The following TMEM131 variants were observed in gnomAD, a reference collection of about 807,000 sequenced individuals.
TMEM131 encodes transmembrane protein 131, also known as 2610524E03Rik.
In TMEM131, 66 loss-of-function variants were observed where a neutral mutation model predicts 211.6. The observed-to-expected ratio is 0.31, with a 90% CI of 0.26 to 0.38. The LOEUF (loss-of-function observed/expected upper bound fraction) is 0.38. Ranked by LOEUF, TMEM131 falls within the 10% of genes least tolerant of loss-of-function variation. The pLI, the probability that TMEM131 is intolerant of heterozygous loss-of-function variation, is 1.00. For missense variants in TMEM131, 2,036 were observed against 2,299.3 expected, an observed-to-expected ratio of 0.89 and a Z score of 2.34; for synonymous variants, 844 against 841.3, an observed-to-expected ratio of 1.00 and a Z score of -0.06.
chr2:97,926,809 C>T (rs930790125), intron 2 of TMEM131, among the ~76,000 whole-genome samples: 77 of 152,188 alleles, frequency 5.1e-4, no homozygotes, highest in African/African-American at 1.8e-3. Flanking sequence ...GATTATCAAC[C>T]TGCAACCTAG....
chr2:97,792,434 G>A lies in TMEM131; in HGVS notation c.4096C>T (p.Leu1366=), dbSNP rs759797972. 1.2e-6 allele frequency: 2 copies of A among 1,611,906 alleles called. No homozygotes were observed. The highest frequency in any genetic ancestry group is 1.3e-5 in the African/African-American group (1 of 74,842). The change falls in exon 31 of 41, where the codon CTA becomes TTA. Residue 1366 remains leucine (L), a synonymous_variant. Transcript: ENST00000186436. ...GGAGGCTGCTCTGTAAACACTTCTA[G>A]GGCTGGGGAGTCATGGTGGTCGAAG... ...KDFDHHDSPA[L]EVFTEQPPSP...
chr2:97,757,368 T>C lies in TMEM131; in HGVS notation c.5383A>G (p.Thr1795Ala), dbSNP rs771940113. The stretch of plus-strand genomic sequence containing the variant: ...GGAGTGGTGGACCACAGGCCGCTGG[T>C]GTTACCGAGGACCGACTGCGACAAA... ...THTATSVLGNTSGLWSTTPFS... is the reference protein window; with the variant it reads ...THTATSVLGNASGLWSTTPFS... Residue 1795 changes from threonine to alanine, a missense_variant, in exon 41 of 41, where the codon ACC becomes GCC. Thr to Ala is a moderately conservative substitution (Grantham distance 58, BLOSUM62 0). Coordinates refer to ENST00000186436, the MANE Select transcript of TMEM131 (RefSeq NM_015348.2). The C allele has an allele frequency of 3.7e-6, 6 of 1,605,072 alleles. No homozygotes were observed. The highest frequency in any genetic ancestry group is 5.1e-6 in the Non-Finnish European group (6 of 1,174,082).
rs560579993 is a variant in TMEM131, at chr2:97,990,799, T to C, written c.187+4677A>G. Reference sequence around the variant, plus strand: ...AGGTATAAAAAGTCCTATGCACTTTTTTCATATGCTTTGTAAATAGTTTTG... The same window carrying C: ...AGGTATAAAAAGTCCTATGCACTTTCTTCATATGCTTTGTAAATAGTTTTG... On this transcript the variant is annotated intron_variant, in intron 1 of 40. Transcript: ENST00000186436. Among the ~76,000 whole-genome samples the C allele has an allele frequency of 2.0e-4, 31 of 152,340 alleles. 2 individuals are homozygous for C. Among genetic ancestry groups the C allele is most frequent in the Admixed American group, 1.6e-3 (24 of 15,308 alleles).
At chr2:97,957,533 C>G (rs1265572172) in intron 1 of TMEM131, among the ~76,000 whole-genome samples, 1 of 151,912 alleles carries the variant, frequency 6.6e-6, no homozygotes, top group Admixed American at 6.6e-5. Context: ...ACAGAAAGTA[C>G]CAGCTAACTC....
intron 1 of TMEM131, among the ~76,000 whole-genome samples, chr2:97,980,888 G>C (rs1679757937): frequency 6.6e-6 from 1 of 151,740 alleles, no homozygotes; most frequent in African/African-American, 2.4e-5. Flanking sequence ...ACACATAACA[G>C]ATCAGTGGTT....
At chr2:97,963,850 TAA>T (rs1274476897) in intron 1 of TMEM131, among the ~76,000 whole-genome samples, 7 of 152,264 alleles carry the variant, frequency 4.6e-5, no homozygotes, top group African/African-American at 1.4e-4. Flanking sequence ...CACATATTTT[TAA>T]AAGTTTTTCT....
At position 97,792,480 on chromosome 2, in the gene TMEM131, G is replaced by A. The variant is rs535776763; in HGVS notation, c.4050C>T (p.Leu1350=). The A allele has an allele frequency of 3.1e-6, 5 of 1,613,782 alleles. No individual in the cohort carries two copies. Among genetic ancestry groups the A allele is most frequent in the East Asian group, 2.2e-5 (1 of 44,866 alleles). The part of the protein sequence containing the change: ...HSSEDSDITS[L]IEAMDKDFDH... ...CGAAGTCTTTGTCCATGGCTTCTAT[G>A]AGACTGGTGATGTCCGAGTCCTCGG... Residue 1350 remains leucine (L), a synonymous_variant, in exon 31 of 41, where the codon CTC becomes CTT. Coordinates refer to ENST00000186436, the MANE Select transcript of TMEM131 (RefSeq NM_015348.2).
intron 32 of TMEM131, among the ~76,000 whole-genome samples, chr2:97,774,307 C>T (rs1679609293): frequency 6.6e-6 from 1 of 152,236 alleles, no homozygotes; most frequent in African/African-American, 2.4e-5. Flanking sequence ...CACGTGGGTG[C>T]TCAATTCCTA....
chr2:97,759,891 C>G (rs544135746), intron 38 of TMEM131, 142 bp from the exon 39 acceptor site: 11 of 661,696 alleles, frequency 1.7e-5, no homozygotes, highest in Non-Finnish European at 2.7e-5. Context: ...AAAGGAAGAG[C>G]TGAACAATGG....
chr2:97,940,822 A>G (rs1488725145), intron 1 of TMEM131, among the ~76,000 whole-genome samples: 1 of 151,832 alleles, frequency 6.6e-6, no homozygotes, highest in African/African-American at 2.4e-5. Context: ...AAAAAAAAAA[A>G]AAGACAAAAA....
chr2:97,939,619 C>T (rs1328503527), intron 1 of TMEM131, among the ~76,000 whole-genome samples: 2 of 152,218 alleles, frequency 1.3e-5, no homozygotes, highest in Non-Finnish European at 2.9e-5. Flanking sequence ...GGTACCATTC[C>T]TTCTGAAACT....
intron 31 of TMEM131, among the ~76,000 whole-genome samples, chr2:97,791,679 A>G (rs1680504060): frequency 6.6e-6 from 1 of 152,176 alleles, no homozygotes. Flanking sequence ...GCTAAGCTGT[A>G]CTCATGTCCC....
At position 97,792,567 on chromosome 2, in the gene TMEM131, C is replaced by T. The variant is rs775621085; in HGVS notation, c.3963G>A (p.Leu1321=). 1.2e-6 allele frequency: 2 copies of T among 1,613,304 alleles called. No homozygotes were observed. Among genetic ancestry groups the T allele is most frequent in the Non-Finnish European group, 1.7e-6 (2 of 1,179,654 alleles). ...AAGGGTGTGCGAGGGGGGCGGGAGA[C>T]AGCCTTTCAGGCTGCGGCTCCTGGG... ...PQPQEPQPER[L]SPAPLAHPSH... Residue 1321 remains leucine (L), a synonymous_variant, in exon 31 of 41, where the codon CTG becomes CTA. Coordinates refer to ENST00000186436, the MANE Select transcript of TMEM131 (RefSeq NM_015348.2).
intron 2 of TMEM131, among the ~76,000 whole-genome samples, chr2:97,915,632 T>TA (rs1328342073): frequency 6.6e-6 from 1 of 152,150 alleles, no homozygotes; most frequent in Non-Finnish European, 1.5e-5. Context: ...AGGCATGAGG[T>TA]ACTGCGTCTG....
intron 31 of TMEM131, among the ~76,000 whole-genome samples, chr2:97,785,559 T>C (rs1446018116): frequency 1.3e-5 from 2 of 152,228 alleles, no homozygotes; most frequent in Admixed American, 1.3e-4. Context: ...ACTCCTACGT[T>C]GCTGGTGGGA....
chr2:97,895,282 T>C (rs1049019166), intron 3 of TMEM131, among the ~76,000 whole-genome samples: 5 of 152,340 alleles, frequency 3.3e-5, no homozygotes, highest in African/African-American at 9.6e-5. Context: ...CCAGATTTTA[T>C]TGAGGCTTCT....
intron 1 of TMEM131, among the ~76,000 whole-genome samples, chr2:97,946,912 C>G (rs888256852): frequency 1.3e-5 from 2 of 151,432 alleles, no homozygotes; most frequent in African/African-American, 4.8e-5. Context: ...GAATGAAATA[C>G]TGTTTAAATA....
chr2:97,758,746 C>T, intron 40 of TMEM131, 147 bp downstream of exon 40: 4 of 1,041,052 alleles, frequency 3.8e-6, no homozygotes, highest in Non-Finnish European at 5.4e-6. Flanking sequence ...GAAGACAAAG[C>T]AATGGAGACA....
At chr2:97,941,604 C>G (rs994735113) in intron 1 of TMEM131, among the ~76,000 whole-genome samples, 3 of 152,124 alleles carry the variant, frequency 2.0e-5, no homozygotes, top group Non-Finnish European at 2.9e-5. Context: ...CCAGAATCGA[C>G]AAAGAACTTA....
Sources: gnomAD v4.1 joint callset for allele counts (sites outside exome capture counted in the v4.1 genomes callset) on GRCh38, gnomAD v4.1.1 for gene constraint, MANE v1.5 for transcripts, NCBI Gene and HGNC (gene_info 2026-07-23, HGNC 2026-07-21) for gene names.